LRRC72: variants seen among roughly 807,000 people sequenced by gnomAD.
The protein encoded by LRRC72 is leucine-rich repeat-containing protein 72.
LRRC72 carries 41 observed loss-of-function variants against 35.8 expected under a neutral mutation model. That is an observed-to-expected ratio of 1.15 (90% CI 0.89 to 1.49). LRRC72 has a LOEUF of 1.49. Among genes scored for constraint, LRRC72 ranks in the 40% most tolerant of loss-of-function variants. The pLI, the probability that LRRC72 is intolerant of heterozygous loss-of-function variation, is 0.00. For missense variants in LRRC72, 389 were observed against 330.7 expected, an observed-to-expected ratio of 1.18 and a Z score of -1.37; for synonymous variants, 118 against 119.2, an observed-to-expected ratio of 0.99 and a Z score of 0.07.
intron 1 of LRRC72, among the ~76,000 whole-genome samples, chr7:16,531,201 C>G (rs866751412): frequency 2.0e-5 from 3 of 149,626 alleles, no homozygotes; most frequent in Admixed American, 1.3e-4. Flanking sequence ...AAAAGAAAAA[C>G]AAAAACAAAC....
At chr7:16,571,899 T>C (rs1376379057) in intron 7 of LRRC72, among the ~76,000 whole-genome samples, 1 of 152,158 alleles carries the variant, frequency 6.6e-6, no homozygotes, top group East Asian at 1.9e-4. Flanking sequence ...GTGGTCTAGC[T>C]CAGCGGATCC....
At position 16,576,243 on chromosome 7, in the gene LRRC72, G is replaced by A. The variant is rs556469155; in HGVS notation, c.671-3831G>A. On this transcript the variant is annotated intron_variant, in intron 7 of 8. Transcript: ENST00000401542. ...ATTTGTAATAAAACTAATAAAACGC[G>A]CTATGTAAATTTTTAAAATTTATCC... Among the ~76,000 whole-genome samples, 9 of 152,032 alleles carry A rather than the reference G, an allele frequency of 5.9e-5. 1 individual carries two copies. The highest frequency in any genetic ancestry group is 1.9e-4 in the African/African-American group (8 of 41,482).
chr7:16,570,264 T>G (rs113059424), intron 7 of LRRC72, among the ~76,000 whole-genome samples: 8,072 of 152,220 alleles, frequency 0.053, 735 homozygotes, highest in African/African-American at 0.18. Context: ...ATGAGTTGTG[T>G]GCAGGACACA....
chr7:16,543,382 A>G (rs1208677352), intron 3 of LRRC72, among the ~76,000 whole-genome samples: 1 of 152,252 alleles, frequency 6.6e-6, no homozygotes, highest in Non-Finnish European at 1.5e-5. Context: ...ATTTAGGAAT[A>G]AATAAGGCAA....
At chr7:16,533,942 C>T (rs565505751) in intron 2 of LRRC72, among the ~76,000 whole-genome samples, 6 of 152,204 alleles carry the variant, frequency 3.9e-5, no homozygotes, top group African/African-American at 1.4e-4. Flanking sequence ...CTATTGATCA[C>T]TACAGTAAGT....
chr7:16,550,943 T>C lies in LRRC72; in HGVS notation c.235-6417T>C, dbSNP rs1484709817. ...ACTTCCTTCAATTCCCCGGAGTTTA[T>C]ATTTGTTTGACTTTTTTGTTAGCTT... is the stretch of plus-strand genomic sequence containing the variant. On this transcript the variant is annotated intron_variant, in intron 3 of 8. Coordinates refer to ENST00000401542, the MANE Select transcript of LRRC72 (RefSeq NM_001195280.2). Among the ~76,000 whole-genome samples the C allele has an allele frequency of 3.3e-5, 5 of 152,336 alleles. No individual in the cohort carries two copies. The East Asian group carries it at 9.6e-4, about 29-fold the overall frequency.
intron 1 of LRRC72, among the ~76,000 whole-genome samples, chr7:16,528,940 G>C (rs1325553961): frequency 6.6e-6 from 1 of 151,926 alleles, no homozygotes; most frequent in African/African-American, 2.4e-5. Context: ...TTGTTATCCT[G>C]GGAAAAATCA....
At chr7:16,545,056 T>C (rs978451059) in intron 3 of LRRC72, among the ~76,000 whole-genome samples, 4 of 152,224 alleles carry the variant, frequency 2.6e-5, no homozygotes, top group Non-Finnish European at 5.9e-5. Context: ...AAATACCTAA[T>C]GCATGCAGGA....
intron 7 of LRRC72, among the ~76,000 whole-genome samples, chr7:16,573,660 G>A (rs1044744358): frequency 1.7e-4 from 26 of 152,122 alleles, no homozygotes; most frequent in Middle Eastern, 3.4e-3. Context: ...AACTCAAGAT[G>A]GATTAGAGAC....
At chr7:16,536,821 T>C (rs75391766) in intron 2 of LRRC72, 1 of 152,332 alleles carries the variant, frequency 6.6e-6, no homozygotes, top group African/African-American at 2.4e-5. Context: ...GATATTTTTA[T>C]GCTTTGAAAA....
chr7:16,580,649 A>C (rs535482276), intron 8 of LRRC72, among the ~76,000 whole-genome samples: 9 of 152,202 alleles, frequency 5.9e-5, no homozygotes, highest in Non-Finnish European at 1.0e-4. Flanking sequence ...GTTTCAAAAA[A>C]TAAAAAAATA....
chr7:16,553,143 A>G (rs1320437348), intron 3 of LRRC72, among the ~76,000 whole-genome samples: 1 of 152,192 alleles, frequency 6.6e-6, no homozygotes, highest in Non-Finnish European at 1.5e-5. Context: ...CTATTGTTGA[A>G]ATACTAGGAA....
chr7:16,552,319 C>T (rs1321835185), intron 3 of LRRC72, among the ~76,000 whole-genome samples: 1 of 152,126 alleles, frequency 6.6e-6, no homozygotes, highest in Non-Finnish European at 1.5e-5. Flanking sequence ...CCTGAGATGG[C>T]TAATATATTA....
chr7:16,527,112 TGA>T, intron 1 of LRRC72, 70 bp downstream of exon 1: 1 of 1,253,810 alleles, frequency 8.0e-7, no homozygotes, highest in Non-Finnish European at 1.1e-6. Context: ...ACCTCCTGCC[TGA>T]GGACTCCAGG....
intron 3 of LRRC72, among the ~76,000 whole-genome samples, chr7:16,556,339 C>G (rs996187734): frequency 3.3e-5 from 5 of 152,002 alleles, no homozygotes; most frequent in African/African-American, 1.2e-4. Context: ...AAGGAACACC[C>G]AAAACTCTAG....
At chr7:16,534,426 C>A (rs1289273882) in intron 2 of LRRC72, among the ~76,000 whole-genome samples, 6 of 151,658 alleles carry the variant, frequency 4.0e-5, no homozygotes, top group Admixed American at 2.0e-4. Flanking sequence ...CAGATGTGGG[C>A]TCGTAAAAGT....
At chr7:16,531,475 A>G (rs1782164182) in intron 1 of LRRC72, among the ~76,000 whole-genome samples, 1 of 152,192 alleles carries the variant, frequency 6.6e-6, no homozygotes, top group Admixed American at 6.5e-5. Flanking sequence ...CACTAAATAT[A>G]ACTCCTGTTA....
chr7:16,569,958 A>T (rs1196891474), intron 7 of LRRC72, among the ~76,000 whole-genome samples: 1 of 151,682 alleles, frequency 6.6e-6, no homozygotes, highest in African/African-American at 2.4e-5. Flanking sequence ...TGCACCTGGG[A>T]GGTGGAGGTT....
intron 3 of LRRC72, among the ~76,000 whole-genome samples, chr7:16,551,137 A>G (rs1185039110): frequency 6.6e-6 from 1 of 152,222 alleles, no homozygotes; most frequent in Non-Finnish European, 1.5e-5. Flanking sequence ...CCTTATAACA[A>G]AAAGGAGACT....
Sources: allele counts gnomAD v4.1 joint callset (sites outside exome capture counted in the v4.1 genomes callset), GRCh38; gene constraint gnomAD v4.1.1; transcripts MANE v1.5; gene names NCBI Gene and HGNC (gene_info 2026-07-23, HGNC 2026-07-21).